REG4: variants seen among roughly 807,000 people sequenced by gnomAD.
The protein encoded by REG4 is regenerating islet-derived protein 4.
In REG4, 16 loss-of-function variants were observed where a neutral mutation model predicts 22.3. The ratio of observed to expected loss-of-function variants is 0.72; its 90% confidence interval spans 0.49 to 1.09. REG4 has a LOEUF of 1.09. Ranked by LOEUF, REG4 falls within the 50% of genes least tolerant of loss-of-function variation. The pLI is 0.00. For synonymous variants in REG4, 71 were observed against 69.2 expected, an observed-to-expected ratio of 1.03 and a Z score of -0.13; for missense variants, 214 against 193.9, an observed-to-expected ratio of 1.10 and a Z score of -0.61.
intron 5 of REG4, among the ~76,000 whole-genome samples, chr1:119,797,248 C>T (rs985673096): frequency 6.6e-6 from 1 of 152,104 alleles, no homozygotes; most frequent in Non-Finnish European, 1.5e-5. Flanking sequence ...ATAGCCTCTA[C>T]CTATTGGTTT....
At chr1:119,809,072 G>A (rs1182606717) in intron 1 of REG4, 1 of 278,738 alleles carries the variant, frequency 3.6e-6, no homozygotes, top group Non-Finnish European at 6.7e-6. Flanking sequence ...AACTATAGCA[G>A]GCTGAACAGT....
intron 4 of REG4, among the ~76,000 whole-genome samples, chr1:119,798,886 A>G (rs753854056): frequency 1.3e-5 from 2 of 152,234 alleles, no homozygotes; most frequent in Admixed American, 6.5e-5. Flanking sequence ...AAAATTTCTG[A>G]TAGTCAAATA....
At position 119,799,800 on chromosome 1, in the gene REG4, G is replaced by A. The variant is rs1173188548; in HGVS notation, c.228C>T (p.Ala76=). ...HLASILSLKE[A]STIAEYISGY... Reference sequence around the variant, plus strand: ...CACTTATGTACTCTGCTATGGTGCTGGCTTCCTTTAAACTCAGGATAGATG... The same window carrying A: ...CACTTATGTACTCTGCTATGGTGCTAGCTTCCTTTAAACTCAGGATAGATG... The change falls in exon 4 of 6, where the codon GCC becomes GCT. Residue 76 remains alanine, a synonymous_variant. Coordinates refer to ENST00000256585, the MANE Select transcript of REG4 (RefSeq NM_032044.4). 6.9e-5 allele frequency: 112 copies of A among 1,614,146 alleles called. No homozygotes were observed. Among genetic ancestry groups the A allele is most frequent in the Non-Finnish European group, 9.5e-5 (112 of 1,180,040 alleles).
chr1:119,796,565 A>T (rs1182590604), intron 5 of REG4, among the ~76,000 whole-genome samples: 5 of 144,614 alleles, frequency 3.5e-5, no homozygotes, highest in Non-Finnish European at 5.9e-5. Flanking sequence ...ATTTTGAATT[A>T]AAAAAAATAG....
rs1386689099 is a variant in REG4 at position 119,808,820 on chromosome 1, C to T, written c.-51G>A. On this transcript the variant is annotated 5_prime_UTR_variant, in exon 2 of 6. Transcript: ENST00000256585. ...TAGTGCAAGGATCTCAGAGACCTTACTAGCGCTTCTTTGAAACTCCTGGGT... is the reference window on the plus strand; with the variant it reads ...TAGTGCAAGGATCTCAGAGACCTTATTAGCGCTTCTTTGAAACTCCTGGGT... The T allele has an allele frequency of 2.2e-6, 3 of 1,380,004 alleles. No homozygotes were observed. Among genetic ancestry groups the T allele is most frequent in the Non-Finnish European group, 2.1e-6 (2 of 973,530 alleles). The allele number at this position is 1,380,004 out of a possible 1,614,324, so 85.5% of individuals were successfully genotyped here. A position where few individuals can be genotyped will look rare whatever the true frequency, so the allele number is the denominator to read the frequency against.
intron 5 of REG4, among the ~76,000 whole-genome samples, chr1:119,797,025 T>A (rs751370408): frequency 6.6e-6 from 1 of 152,228 alleles, no homozygotes; most frequent in Non-Finnish European, 1.5e-5. Flanking sequence ...ATTGGTATTT[T>A]TACAATGTTC....
intron 3 of REG4, chr1:119,802,361 G>T: frequency 1.0e-6 from 1 of 986,212 alleles, no homozygotes; most frequent in Non-Finnish European, 1.2e-6. Flanking sequence ...TAGGTGCTTC[G>T]TTCTTGTTTT....
intron 2 of REG4, among the ~76,000 whole-genome samples, chr1:119,805,136 T>A (rs1174140762): frequency 2.0e-5 from 3 of 152,148 alleles, no homozygotes; most frequent in African/African-American, 7.2e-5. Flanking sequence ...GCAACAGAAA[T>A]AATTAATTGG....
rs1219795241 is a variant in REG4 at position 119,808,905 on chromosome 1, AT to A, written c.-94-43del. The A allele has an allele frequency of 1.2e-5, 7 of 565,966 alleles. No individual in the cohort carries two copies. The Admixed American group carries it at 2.4e-4, about 20-fold the overall frequency. The allele number at this position is 565,966 out of a possible 1,614,324, so 35.1% of individuals were successfully genotyped here. On this transcript the variant is annotated intron_variant, in intron 1 of 5. Coordinates refer to ENST00000256585, the MANE Select transcript of REG4 (RefSeq NM_032044.4). ...AGGTGAGAAGGACCCAGGAATCTAGATGCCAACTAATACATATGGAGGAAAA... is the reference window on the plus strand; with the variant it reads ...AGGTGAGAAGGACCCAGGAATCTAGAGCCAACTAATACATATGGAGGAAAA...
chr1:119,794,296 T>C lies in REG4; in HGVS notation c.*322A>G. The C allele has an allele frequency of 1.7e-6, 1 of 582,268 alleles. No individual in the cohort carries two copies. Among genetic ancestry groups the C allele is most frequent in the South Asian group, 1.4e-5 (1 of 69,994 alleles). The allele number at this position is 582,268 out of a possible 1,614,324, so 36.1% of individuals were successfully genotyped here. A position where few individuals can be genotyped will look rare whatever the true frequency, so the allele number is the denominator to read the frequency against. On this transcript the variant is annotated 3_prime_UTR_variant, in exon 6 of 6. Transcript: ENST00000256585. The stretch of plus-strand genomic sequence containing the variant: ...AGTTTCTTCCTTCTGTCTTCAAATC[T>C]TTACTTCTTATGGCCAAAGACCCAG...
At chr1:119,802,189 T>C (rs1654130934) in intron 3 of REG4, 1 of 284,988 alleles carries the variant, frequency 3.5e-6, no homozygotes, top group Non-Finnish European at 5.3e-6. Context: ...CAGCTCAGAC[T>C]TTGCTGGGGT....
At chr1:119,810,596 A>T (rs902946127) in intron 1 of REG4, among the ~76,000 whole-genome samples, 12 of 152,222 alleles carry the variant, frequency 7.9e-5, no homozygotes, top group Admixed American at 3.9e-4. Flanking sequence ...TCCAAAAGTA[A>T]TAGTGTATTT....
chr1:119,794,301 T>C lies in REG4; in HGVS notation c.*317A>G. ...CTTCCTTCTGTCTTCAAATCTTTAC[T>C]TCTTATGGCCAAAGACCCAGCTGTT... On this transcript the variant is annotated 3_prime_UTR_variant, in exon 6 of 6. Transcript: ENST00000256585. 2 of 587,948 alleles carry C rather than the reference T, an allele frequency of 3.4e-6. No homozygotes were observed. Among genetic ancestry groups the C allele is most frequent in the South Asian group, 2.9e-5 (2 of 69,340 alleles). 36.4% of individuals were successfully genotyped at this position (587,948 alleles called of 1,614,324 possible). A position where few individuals can be genotyped will look rare whatever the true frequency, so the allele number is the denominator to read the frequency against.
intron 3 of REG4, among the ~76,000 whole-genome samples, chr1:119,800,769 T>C (rs1266670894): frequency 1.3e-5 from 2 of 152,198 alleles, no homozygotes; most frequent in African/African-American, 4.8e-5. Context: ...CTCCCCGTGC[T>C]GGTGTAGAAT....
intron 3 of REG4, 126 bp from the exon 4 acceptor site, chr1:119,799,988 T>G: frequency 2.4e-6 from 3 of 1,242,748 alleles, no homozygotes; most frequent in Non-Finnish European, 3.4e-6. Context: ...CATCGTGCTC[T>G]AAGCCCCACA....
At chr1:119,801,822 G>A (rs2101069916) in intron 3 of REG4, 1 of 152,434 alleles carries the variant, frequency 6.6e-6, no homozygotes, top group East Asian at 1.9e-4. Context: ...TTAAGGTTCA[G>A]TGTCAATCCT....
At chr1:119,803,248 C>T in intron 2 of REG4, 83 bp from the exon 3 acceptor site, 11 of 1,381,122 alleles carry the variant, frequency 8.0e-6, no homozygotes, top group Non-Finnish European at 9.6e-6. Context: ...CAATCAGGAA[C>T]CCCTTGAATG....
rs1353172496 is a variant in REG4, at chr1:119,805,717, C to T, written c.68-2552G>A. Reference sequence around the variant, plus strand: ...ATGTATCTCTCCGTTCTCTCCCTGTCTTTGTACTCTCTCTTTTCTCTCTGT... The same window carrying T: ...ATGTATCTCTCCGTTCTCTCCCTGTTTTTGTACTCTCTCTTTTCTCTCTGT... On this transcript the variant is annotated intron_variant, in intron 2 of 5. Coordinates refer to ENST00000256585, the MANE Select transcript of REG4 (RefSeq NM_032044.4). Among the ~76,000 whole-genome samples the T allele has an allele frequency of 2.6e-5, 4 of 152,028 alleles. No individual in the cohort carries two copies. The South Asian group carries it at 6.2e-4, about 24-fold the overall frequency.
At chr1:119,802,463 T>TAC (rs373499068) in intron 3 of REG4, 30 of 1,001,464 alleles carry the variant, frequency 3.0e-5, no homozygotes, top group Middle Eastern at 4.9e-4. Context: ...CAAATGTACC[T>TAC]ATATGGCTCC....
Sources: gnomAD v4.1 joint callset for allele counts (sites outside exome capture counted in the v4.1 genomes callset) on GRCh38, gnomAD v4.1.1 for gene constraint, MANE v1.5 for transcripts, NCBI Gene and HGNC (gene_info 2026-07-23, HGNC 2026-07-21) for gene names.